Variants in ANKFN1 observed in about 807,000 individuals in gnomAD.
ANKFN1 encodes the protein ankyrin repeat and fibronectin type-III domain-containing protein 1.
ANKFN1 carries 74 observed loss-of-function variants against 108.7 expected under a neutral mutation model. The observed-to-expected ratio is 0.68, with a 90% CI of 0.56 to 0.83. The LOEUF (loss-of-function observed/expected upper bound fraction) is 0.83. ANKFN1 is among the 40% of genes least tolerant of loss of function. ANKFN1 has a pLI of 0.00. For missense variants in ANKFN1, 1,505 were observed against 1,382.3 expected, an observed-to-expected ratio of 1.09 and a Z score of -1.41; for synonymous variants, 547 against 516.2, an observed-to-expected ratio of 1.06 and a Z score of -0.81.
chr17:56,158,620 G>A (rs528797734), intron 1 of ANKFN1, among the ~76,000 whole-genome samples: 1 of 152,284 alleles, frequency 6.6e-6, no homozygotes, highest in South Asian at 2.1e-4. Flanking sequence ...AATTGAGCAA[G>A]CAGATTCAAG....
chr17:56,511,201 G>A lies in ANKFN1; in HGVS notation c.3373G>A (p.Gly1125Ser), dbSNP rs1288363570. The A allele has an allele frequency of 6.5e-7, 1 of 1,535,532 alleles. No individual in the cohort carries two copies. ...GGRITLPSPTGPDVSQEGPTA... is the reference protein window; with the variant it reads ...GGRITLPSPTSPDVSQEGPTA... ...CCGCATCACCCTGCCCAGCCCCACT[G>A]GCCCCGATGTGAGTCAGGAGGGCCC... Residue 1125 changes from glycine to serine, a missense_variant, in exon 21 of 21, where the codon GGC becomes AGC. Transcript: ENST00000682825.
At chr17:56,460,155 C>T (rs1232124509) in intron 14 of ANKFN1, among the ~76,000 whole-genome samples, 1 of 152,050 alleles carries the variant, frequency 6.6e-6, no homozygotes, top group Non-Finnish European at 1.5e-5. Flanking sequence ...CCTTTCTCTA[C>T]TAAATTTGCT....
intron 1 of ANKFN1, among the ~76,000 whole-genome samples, chr17:56,209,317 A>C (rs1914783122): frequency 1.3e-5 from 2 of 152,192 alleles, no homozygotes; most frequent in African/African-American, 4.8e-5. Flanking sequence ...TTGTTCTATG[A>C]AGCCAATATC....
intron 3 of ANKFN1, among the ~76,000 whole-genome samples, chr17:56,230,751 G>A (rs780190626): frequency 3.9e-5 from 6 of 152,016 alleles, no homozygotes; most frequent in Non-Finnish European, 8.8e-5. Context: ...TGTAAAATGC[G>A]CAATTGCTTT....
Position 56,511,006 on chromosome 17 carries a change from G to A in ANKFN1, c.3178G>A (p.Asp1060Asn). 6.5e-7 allele frequency: 1 copy of A among 1,536,012 alleles called. No individual in the cohort carries two copies. Among genetic ancestry groups the A allele is most frequent in the African/African-American group, 1.4e-5 (1 of 73,186 alleles). The change falls in exon 21 of 21, where the codon GAT becomes AAT. Residue 1060 changes from aspartate to asparagine, a missense_variant. Coordinates refer to ENST00000682825, the MANE Select transcript of ANKFN1 (RefSeq NM_001370326.1). Reference protein sequence around the residue: ...EAKRAGPALDDPRGLTLAHAA... With the variant: ...EAKRAGPALDNPRGLTLAHAA... ...CAAGCGGGCCGGCCCTGCCCTTGAT[G>A]ATCCCAGGGGCCTAACTCTGGCCCA... is the stretch of plus-strand genomic sequence containing the variant.
chr17:56,295,594 T>TA (rs1411200065), intron 3 of ANKFN1, among the ~76,000 whole-genome samples: 7 of 151,944 alleles, frequency 4.6e-5, no homozygotes, highest in Non-Finnish European at 7.4e-5. Flanking sequence ...ACCATGATAT[T>TA]AAAAAAAGCC....
At chr17:56,271,171 C>G (rs891835527) in intron 3 of ANKFN1, among the ~76,000 whole-genome samples, 6 of 151,934 alleles carry the variant, frequency 3.9e-5, no homozygotes, top group Non-Finnish European at 8.8e-5. Context: ...CCACACCCAG[C>G]TAATATTTTG....
chr17:56,129,027 A>G (rs1404781205), intron 4 of ANKFN1, among the ~76,000 whole-genome samples: 1 of 152,204 alleles, frequency 6.6e-6, no homozygotes. Context: ...GTGAGGTTAG[A>G]AGATGAGGAG....
At chr17:56,385,793 A>G (rs2047246894) in intron 8 of ANKFN1, among the ~76,000 whole-genome samples, 1 of 152,218 alleles carries the variant, frequency 6.6e-6, no homozygotes, top group African/African-American at 2.4e-5. Context: ...ACCAGTTAGA[A>G]TGGCAATCAT....
At chr17:56,109,942 A>T (rs1905865209) in intron 4 of ANKFN1, among the ~76,000 whole-genome samples, 1 of 152,234 alleles carries the variant, frequency 6.6e-6, no homozygotes, top group African/African-American at 2.4e-5. Context: ...GGGTCAAGCT[A>T]GCTCTACCAA....
At chr17:56,496,934 T>C (rs921396675) in intron 19 of ANKFN1, among the ~76,000 whole-genome samples, 6 of 152,124 alleles carry the variant, frequency 3.9e-5, no homozygotes, top group Admixed American at 2.6e-4. Context: ...TTAATCCTTA[T>C]AATAACTCTG....
At chr17:56,482,892 C>A (rs1307131482) in intron 18 of ANKFN1, among the ~76,000 whole-genome samples, 3 of 152,024 alleles carry the variant, frequency 2.0e-5, no homozygotes, top group African/African-American at 7.3e-5. Context: ...TTCCCCTTCC[C>A]TCTCTCTCCC....
At chr17:56,293,774 G>A (rs550802804) in intron 3 of ANKFN1, among the ~76,000 whole-genome samples, 2 of 152,144 alleles carry the variant, frequency 1.3e-5, no homozygotes, top group South Asian at 4.1e-4. Flanking sequence ...ATAAATATTC[G>A]CTACATGAAT....
Position 56,102,809 on chromosome 17 carries a change from G to A in ANKFN1, c.288+56484G>A, listed in dbSNP as rs72829715. Among the ~76,000 whole-genome samples the A allele has an allele frequency of 8.9e-3, 1,358 of 152,242 alleles. 12 individuals carry two copies. The highest frequency in any genetic ancestry group is 0.02 in the Middle Eastern group (6 of 294). On this transcript the variant is annotated intron_variant, in intron 4 of 12. Transcript: ENST00000635860. ...ACCCAGGCTGGCCTCAAACTCCCTT[G>A]CTCAAGCGATCCTCCTGCCTTGACC...
chr17:56,376,307 G>A (rs556631760), intron 8 of ANKFN1, among the ~76,000 whole-genome samples: 1 of 152,152 alleles, frequency 6.6e-6, no homozygotes, highest in Non-Finnish European at 1.5e-5. Flanking sequence ...AGATAAGACA[G>A]CATTGAATTG....
intron 8 of ANKFN1, among the ~76,000 whole-genome samples, chr17:56,386,561 A>T (rs1456738040): frequency 6.8e-6 from 1 of 146,214 alleles, no homozygotes; most frequent in Non-Finnish European, 1.5e-5. Flanking sequence ...TTATCAATAG[A>T]TTATCTTGCA....
intron 19 of ANKFN1, among the ~76,000 whole-genome samples, chr17:56,495,560 A>T (rs2051174029): frequency 6.6e-6 from 1 of 152,158 alleles, no homozygotes; most frequent in Admixed American, 6.6e-5. Flanking sequence ...AAAAGAAGCC[A>T]AGGAGTGCGG....
chr17:56,490,369 A>C (rs371031344), intron 18 of ANKFN1, among the ~76,000 whole-genome samples: 1 of 152,190 alleles, frequency 6.6e-6, no homozygotes, highest in Non-Finnish European at 1.5e-5. Context: ...GTATTAGTAA[A>C]GAAAGGTATG....
At position 56,395,589 on chromosome 17, in the gene ANKFN1, C is replaced by A. The variant is rs186671162; in HGVS notation, c.910+20875C>A. 1.4e-4 allele frequency among the ~76,000 whole-genome samples: 21 copies of A among 152,336 alleles called. No individual in the cohort carries two copies. The East Asian group carries it at 3.7e-3, about 27-fold the overall frequency. ...GTAGGCCGGGTGCCATGGCTCACAA[C>A]TGTAATCCCAGCACTTTGGGAGGCC... On this transcript the variant is annotated intron_variant, in intron 8 of 20. Transcript: ENST00000682825.
Sources: gnomAD v4.1 joint callset for allele counts (sites outside exome capture counted in the v4.1 genomes callset) on GRCh38, gnomAD v4.1.1 for gene constraint, MANE v1.5 for transcripts, NCBI Gene and HGNC (gene_info 2026-07-23, HGNC 2026-07-21) for gene names.